The following PDCD2L variants were observed in gnomAD, a reference collection of about 807,000 sequenced individuals.
PDCD2L encodes the protein uS5 assembly chaperone PDCD2L.
In PDCD2L, 44 loss-of-function variants were observed where a neutral mutation model predicts 40.4. That is an observed-to-expected ratio of 1.09 (90% CI 0.86 to 1.40). The LOEUF (loss-of-function observed/expected upper bound fraction) is 1.40, where lower values mean the gene tolerates loss of function less well. Ranked by LOEUF, PDCD2L falls within the 40% of genes most tolerant of loss-of-function variation. PDCD2L has a pLI of 0.00. For synonymous variants in PDCD2L, 194 were observed against 174.6 expected, an observed-to-expected ratio of 1.11 and a Z score of -0.88; for missense variants, 470 against 453.7, an observed-to-expected ratio of 1.04 and a Z score of -0.33.
At chr19:34,404,613 G>A (rs775510841) in intron 1 of PDCD2L, 36 bp from the exon 2 acceptor site, 2 of 1,601,494 alleles carry the variant, frequency 1.2e-6, no homozygotes, top group Non-Finnish European at 1.7e-6. Context: ...GGTCCTGGGG[G>A]GAGTCGGGGT....
chr19:34,409,064 C>T, intron 3 of PDCD2L, 97 bp from the exon 4 acceptor site: 1 of 1,062,516 alleles, frequency 9.4e-7, no homozygotes, highest in South Asian at 1.5e-5. Context: ...GGTGTGAAGG[C>T]TCCCTCTGGA....
Position 34,422,532 on chromosome 19 carries a change from A to G in PDCD2L, c.946+865A>G, listed in dbSNP as rs562568178. Among the ~76,000 whole-genome samples the G allele has an allele frequency of 2.0e-5, 3 of 152,206 alleles. No individual in the cohort carries two copies. The South Asian group carries it at 6.2e-4, about 32-fold the overall frequency. On this transcript the variant is annotated intron_variant, in intron 6 of 6. Transcript: ENST00000246535. Reference sequence around the variant, plus strand: ...ATCAATGTTAATAACCATTATTCCAACAATCATTTTTGACATAAAGACAAA... The same window carrying G: ...ATCAATGTTAATAACCATTATTCCAGCAATCATTTTTGACATAAAGACAAA...
intron 3 of PDCD2L, 21 bp from the exon 4 acceptor site, chr19:34,409,140 A>G (rs1455800115): frequency 6.2e-7 from 1 of 1,601,072 alleles, no homozygotes; most frequent in Non-Finnish European, 8.5e-7. Flanking sequence ...CTCGGACCTC[A>G]TTCACTGAGT....
At chr19:34,411,162 C>CT (rs766712244) in intron 4 of PDCD2L, among the ~76,000 whole-genome samples, 3,306 of 61,750 alleles carry the variant, frequency 0.054, 85 homozygotes, top group Non-Finnish European at 0.065. Flanking sequence ...GAGTATTCTT[C>CT]TTTTTTTTTT....
intron 5 of PDCD2L, among the ~76,000 whole-genome samples, chr19:34,416,600 A>G (rs1384082816): frequency 6.6e-6 from 1 of 152,210 alleles, no homozygotes; most frequent in African/African-American, 2.4e-5. Flanking sequence ...GGAAATGGAC[A>G]GTACTCTTAG....
rs752833014 is a variant in PDCD2L, at chr19:34,409,271, T to C, written c.447T>C (p.Asp149=). 2.5e-6 allele frequency: 4 copies of C among 1,614,046 alleles called. No homozygotes were observed. The African/African-American group carries it at 4.0e-5, about 16-fold the overall frequency. ...SPQFTLDFGN[D]ASSAKDVDWT... is the part of the protein sequence containing the mutation. The stretch of plus-strand genomic sequence containing the variant: ...AGTTTACCTTGGATTTTGGGAATGA[T>C]GCCAGCAGTGCCAAAGACGTAGACT... The change falls in exon 4 of 7, where the codon GAT becomes GAC. Residue 149 remains aspartate, a synonymous_variant. Coordinates refer to ENST00000246535, the MANE Select transcript of PDCD2L (RefSeq NM_032346.2).
At chr19:34,424,745 A>ATTTTTTTTTTTT in intron 6 of PDCD2L, among the ~76,000 whole-genome samples, 1 of 130,704 alleles carries the variant, frequency 7.7e-6, no homozygotes, top group Non-Finnish European at 1.6e-5. Flanking sequence ...CCATTTTTTC[A>ATTTTTTTTTTTT]TTTTTTTTTT....
At chr19:34,418,915 T>A (rs2075136796) in intron 5 of PDCD2L, among the ~76,000 whole-genome samples, 1 of 152,222 alleles carries the variant, frequency 6.6e-6, no homozygotes, top group South Asian at 2.1e-4. Flanking sequence ...TCTCTGTATA[T>A]CATCTTGGAT....
chr19:34,424,745 A>ATTTTTT (rs34350684), intron 6 of PDCD2L, among the ~76,000 whole-genome samples: 2 of 130,704 alleles, frequency 1.5e-5, no homozygotes, highest in Admixed American at 8.2e-5. Context: ...CCATTTTTTC[A>ATTTTTT]TTTTTTTTTT....
rs566003258 is a variant in PDCD2L at position 34,404,450 on chromosome 19, C to T, written c.20C>T (p.Pro7Leu). 6.1e-5 allele frequency: 94 copies of T among 1,544,382 alleles called. No individual in the cohort carries two copies. Among genetic ancestry groups the T allele is most frequent in the Non-Finnish European group, 7.3e-5 (84 of 1,145,630 alleles). MAAVLK[P>L]VLLGLRDAPV... Reference sequence around the variant, plus strand: ...GCGGCCATGGCGGCCGTTCTGAAGCCGGTGCTGCTGGGCCTTCGAGATGCG... The same window carrying T: ...GCGGCCATGGCGGCCGTTCTGAAGCTGGTGCTGCTGGGCCTTCGAGATGCG... The change falls in exon 1 of 7, where the codon CCG becomes CTG. Residue 7 changes from proline to leucine, a missense_variant. By Grantham distance (98) the Pro-to-Leu change is moderately conservative. Transcript: ENST00000246535.
intron 4 of PDCD2L, among the ~76,000 whole-genome samples, chr19:34,410,518 C>T (rs1487311189): frequency 1.3e-5 from 2 of 152,138 alleles, no homozygotes; most frequent in Non-Finnish European, 2.9e-5. Context: ...TCCCAAAGTG[C>T]TGGGATTACA....
At chr19:34,413,694 C>T in intron 4 of PDCD2L, 43 bp from the exon 5 acceptor site, 2 of 1,157,350 alleles carry the variant, frequency 1.7e-6, no homozygotes, top group Non-Finnish European at 2.5e-6. Context: ...CTGTAATTTT[C>T]TGGATATAGA....
intron 5 of PDCD2L, among the ~76,000 whole-genome samples, chr19:34,414,068 G>A (rs950313632): frequency 2.6e-5 from 4 of 152,142 alleles, no homozygotes; most frequent in Admixed American, 6.6e-5. Context: ...AAATACTTAC[G>A]AAGTCTATTC....
At chr19:34,422,761 G>A (rs190793039) in intron 6 of PDCD2L, among the ~76,000 whole-genome samples, 1 of 151,748 alleles carries the variant, frequency 6.6e-6, no homozygotes, top group Admixed American at 6.6e-5. Context: ...TGTCGCCCAG[G>A]CTGGAGTGCA....
chr19:34,424,745 ATTT>A (rs34350684), intron 6 of PDCD2L, among the ~76,000 whole-genome samples: 1 of 130,702 alleles, frequency 7.7e-6, no homozygotes, highest in Non-Finnish European at 1.6e-5. Context: ...CCATTTTTTC[ATTT>A]TTTTTTTTTT....
At chr19:34,419,800 A>T (rs1004225550) in intron 5 of PDCD2L, among the ~76,000 whole-genome samples, 45 of 9,682 alleles carry the variant, frequency 4.6e-3, no homozygotes, top group East Asian at 0.011. Flanking sequence ...TTTTTAAGAG[A>T]TTGGGTCTTG....
At chr19:34,425,636 G>T (rs1012098058) in intron 6 of PDCD2L, among the ~76,000 whole-genome samples, 4 of 151,916 alleles carry the variant, frequency 2.6e-5, no homozygotes, top group African/African-American at 4.8e-5. Context: ...CAAAGTGCAG[G>T]GATCACAGTT....
Position 34,418,392 on chromosome 19 carries a change from C to CT in PDCD2L, c.798-3116dup, listed in dbSNP as rs538025784. Among the ~76,000 whole-genome samples the CT allele has an allele frequency of 2.4e-4, 35 of 147,326 alleles. No individual in the cohort carries two copies. In the South Asian group the frequency reaches 3.2e-3, roughly 14 times the overall value. On this transcript the variant is annotated intron_variant, in intron 5 of 6. Transcript: ENST00000246535. Reference sequence around the variant, plus strand: ...AGTATATAAGGTCATATGGGATATACTTTTTTTTTTTGGTCTGGTTTTATT... The same window carrying CT: ...AGTATATAAGGTCATATGGGATATACTTTTTTTTTTTTGGTCTGGTTTTATT...
intron 5 of PDCD2L, among the ~76,000 whole-genome samples, chr19:34,416,071 C>T (rs576287800): frequency 1.1e-4 from 16 of 152,256 alleles, no homozygotes; most frequent in Middle Eastern, 3.4e-3. Flanking sequence ...CAGGCATGTG[C>T]CAACATACCC....
Sources: allele counts gnomAD v4.1 joint callset (sites outside exome capture counted in the v4.1 genomes callset), GRCh38; gene constraint gnomAD v4.1.1; transcripts MANE v1.5; gene names NCBI Gene and HGNC (gene_info 2026-07-23, HGNC 2026-07-21).